IPMK: variants seen among roughly 807,000 people sequenced by gnomAD.
IPMK encodes the protein inositol polyphosphate multikinase.
Under a neutral mutation model 45.8 loss-of-function variants are expected in IPMK, and 17 were observed. That is an observed-to-expected ratio of 0.37 (90% CI 0.25 to 0.56). The LOEUF (loss-of-function observed/expected upper bound fraction) is 0.56. IPMK is among the 20% of genes least tolerant of loss of function. IPMK has a pLI of 0.79. For missense variants in IPMK, 399 were observed against 498.0 expected (o/e 0.80, Z 1.89); for synonymous variants, 180 against 184.3 (o/e 0.98, Z 0.19).
At chr10:58,237,111 T>G (rs949676059) in intron 2 of IPMK, among the ~76,000 whole-genome samples, 1 of 152,100 alleles carries the variant, frequency 6.6e-6, no homozygotes, top group Non-Finnish European at 1.5e-5. Context: ...AGATGCTATG[T>G]ATCGTCCCTT....
At chr10:58,231,462 A>G (rs1293997823) in intron 2 of IPMK, among the ~76,000 whole-genome samples, 1 of 152,242 alleles carries the variant, frequency 6.6e-6, no homozygotes, top group Non-Finnish European at 1.5e-5. Flanking sequence ...GAAGCCCATC[A>G]GACTAACAGC....
intron 1 of IPMK, among the ~76,000 whole-genome samples, chr10:58,239,222 A>G (rs766993940): frequency 3.9e-5 from 6 of 152,224 alleles, no homozygotes; most frequent in Non-Finnish European, 8.8e-5. Context: ...ATCTTTCTGT[A>G]TAAGACTGGT....
At chr10:58,198,637 G>A (rs1837943975) in intron 5 of IPMK, among the ~76,000 whole-genome samples, 1 of 152,062 alleles carries the variant, frequency 6.6e-6, no homozygotes, top group Non-Finnish European at 1.5e-5. Flanking sequence ...TATCTTAGTA[G>A]AGCTAAGAAT....
intron 1 of IPMK, among the ~76,000 whole-genome samples, chr10:58,252,611 C>CTTTTTTT (rs113777957): frequency 2.7e-5 from 3 of 111,256 alleles, no homozygotes; most frequent in African/African-American, 7.3e-5. Flanking sequence ...GTTTTCTTTT[C>CTTTTTTT]TTTTTTTTTT....
Position 58,267,577 on chromosome 10 carries a change from T to G in IPMK, c.35A>C (p.Glu12Ala). ...ATEPPSPLRV[E>A]APGPPEMRTS... is the part of the protein sequence containing the mutation. Reference sequence around the variant, plus strand: ...CCGCATTTCTGGGGGGCCCGGCGCCTCGACCCGGAGGGGGGATGGTGGCTC... The same window carrying G: ...CCGCATTTCTGGGGGGCCCGGCGCCGCGACCCGGAGGGGGGATGGTGGCTC... Residue 12 changes from glutamate to alanine, a missense_variant, in exon 1 of 6, where the codon GAG becomes GCG. Around this residue, in one of 2 missense-constraint regions of IPMK, gnomAD observed 111 missense variants for 99.9 expected, o/e 1.11. Transcript: ENST00000373935. The G allele has an allele frequency of 6.2e-7, 1 of 1,607,104 alleles. No individual in the cohort carries two copies.
rs1011037111 is a variant in IPMK at position 58,195,473 on chromosome 10, G to C, written c.*603C>G. 6.6e-6 allele frequency: 1 copy of C among 152,048 alleles called. No homozygotes were observed. The highest frequency in any genetic ancestry group is 2.4e-5 in the African/African-American group (1 of 41,404). 9.4% of individuals were successfully genotyped at this position (152,048 alleles called of 1,614,324 possible). The stretch of plus-strand genomic sequence containing the variant: ...TTTCATGAAGTATAATATTTTGAGA[G>C]AGAGATGTAAAAATTAAAGAGAAAA... On this transcript the variant is annotated 3_prime_UTR_variant, in exon 6 of 6. Coordinates refer to ENST00000373935, the MANE Select transcript of IPMK (RefSeq NM_152230.5).
intron 1 of IPMK, among the ~76,000 whole-genome samples, chr10:58,259,675 A>AAAAAAAAAAC: frequency 6.8e-6 from 1 of 147,762 alleles, no homozygotes; most frequent in African/African-American, 2.6e-5. Flanking sequence ...TCTACATAAA[A>AAAAAAAAAAC]AAAAAAAAAA....
chr10:58,229,931 T>C (rs1838485405), intron 2 of IPMK, among the ~76,000 whole-genome samples: 2 of 152,156 alleles, frequency 1.3e-5, no homozygotes, highest in Admixed American at 1.3e-4. Flanking sequence ...ACAGACTACC[T>C]GGAAAAACGG....
At chr10:58,202,930 T>A (rs550920555) in intron 4 of IPMK, among the ~76,000 whole-genome samples, 12 of 152,208 alleles carry the variant, frequency 7.9e-5, no homozygotes, top group Non-Finnish European at 1.3e-4. Context: ...CAAGGAGTAA[T>A]TTCAACTTTT....
intron 1 of IPMK, among the ~76,000 whole-genome samples, chr10:58,251,631 C>T (rs749200950): frequency 6.6e-6 from 1 of 152,128 alleles, no homozygotes; most frequent in Admixed American, 6.5e-5. Context: ...TTTAGGTCCA[C>T]TAATATGTTT....
chr10:58,198,881 G>A (rs1050454045), intron 5 of IPMK, among the ~76,000 whole-genome samples: 1 of 152,060 alleles, frequency 6.6e-6, no homozygotes, highest in Admixed American at 6.5e-5. Flanking sequence ...AGCCTCTTAT[G>A]TAACAAGCAG....
chr10:58,230,759 T>G (rs1053814530), intron 2 of IPMK, among the ~76,000 whole-genome samples: 1 of 151,980 alleles, frequency 6.6e-6, no homozygotes, highest in Admixed American at 6.6e-5. Context: ...AAAATCAGAG[T>G]GCCTCCTCTC....
chr10:58,236,285 C>CGAAA (rs1838611729), intron 2 of IPMK, among the ~76,000 whole-genome samples: 2 of 152,036 alleles, frequency 1.3e-5, no homozygotes, highest in South Asian at 4.1e-4. Context: ...GAAAAGGCTC[C>CGAAA]TGGACACATT....
At chr10:58,227,171 C>T in intron 2 of IPMK, 32 bp from the exon 3 acceptor site, 1 of 1,455,452 alleles carries the variant, frequency 6.9e-7, no homozygotes, top group Non-Finnish European at 9.6e-7. Context: ...TTGCTAGATT[C>T]TTACAATGCT....
intron 1 of IPMK, among the ~76,000 whole-genome samples, chr10:58,264,186 A>T (rs1400197549): frequency 6.6e-5 from 10 of 152,250 alleles, no homozygotes; most frequent in Admixed American, 6.5e-4. Context: ...ATTAACATGT[A>T]AAGTGGCATA....
chr10:58,200,670 A>C (rs1171771326), intron 4 of IPMK, among the ~76,000 whole-genome samples: 5 of 152,250 alleles, frequency 3.3e-5, no homozygotes, highest in Non-Finnish European at 7.3e-5. Flanking sequence ...ATCAGGAAAA[A>C]AGTAACTTGT....
intron 2 of IPMK, among the ~76,000 whole-genome samples, chr10:58,230,704 C>T (rs1838501779): frequency 6.6e-6 from 1 of 152,138 alleles, no homozygotes; most frequent in African/African-American, 2.4e-5. Context: ...GTAGATAAAA[C>T]CACAAAGATG....
chr10:58,242,459 CA>C (rs1377487096), intron 1 of IPMK, among the ~76,000 whole-genome samples: 42 of 45,076 alleles, frequency 9.3e-4, no homozygotes, highest in South Asian at 2.0e-3. Context: ...GACTCCGTCT[CA>C]AAAAAAAAAA....
intron 4 of IPMK, among the ~76,000 whole-genome samples, chr10:58,214,335 A>C (rs966230048): frequency 1.3e-5 from 2 of 152,206 alleles, no homozygotes; most frequent in African/African-American, 4.8e-5. Context: ...CAAGAAATTA[A>C]GGGAAATCCT....
Sources: allele counts gnomAD v4.1 joint callset (sites outside exome capture counted in the v4.1 genomes callset), GRCh38; gene constraint gnomAD v4.1.1; regional missense constraint gnomAD v4.1.1; transcripts MANE v1.5; gene names NCBI Gene and HGNC (gene_info 2026-07-23, HGNC 2026-07-21).